Variants in HEMK2 observed in about 807,000 individuals in gnomAD.
The protein encoded by HEMK2 is HemK methyltransferase 2, ETF1 glutamine and histone H4 lysine.
the HEMK2 span, among the ~76,000 whole-genome samples, chr21:28,603,178 C>A: frequency 6.6e-6 from 1 of 152,180 alleles, no homozygotes; most frequent in Non-Finnish European, 1.5e-5. Flanking sequence ...TTAGCTTCAT[C>A]CCCATCCCTG....
At chr21:28,718,112 G>A in the HEMK2 span, among the ~76,000 whole-genome samples, 1 of 152,052 alleles carries the variant, frequency 6.6e-6, no homozygotes, top group Non-Finnish European at 1.5e-5. Flanking sequence ...AGAGATTTTG[G>A]TATGTTGTGT....
chr21:28,858,738 T>C, the HEMK2 span, among the ~76,000 whole-genome samples: 3 of 152,142 alleles, frequency 2.0e-5, no homozygotes, highest in African/African-American at 7.2e-5. Context: ...ATTGCTCAGT[T>C]AGAGTATTTT....
chr21:28,797,455 C>A, the HEMK2 span, among the ~76,000 whole-genome samples: 40 of 143,252 alleles, frequency 2.8e-4, no homozygotes, highest in South Asian at 4.3e-4. Context: ...AAAAAAAAAA[C>A]AAAAAACAAA....
chr21:28,592,210 C>A, the HEMK2 span, among the ~76,000 whole-genome samples: 3 of 152,186 alleles, frequency 2.0e-5, no homozygotes, highest in Non-Finnish European at 4.4e-5. Context: ...TCACCAGCAC[C>A]TGTTATTTTT....
chr21:28,751,699 GAC>G, the HEMK2 span, among the ~76,000 whole-genome samples: 1 of 152,212 alleles, frequency 6.6e-6, no homozygotes, highest in Non-Finnish European at 1.5e-5. Flanking sequence ...TTGTTTTTGA[GAC>G]AGAGTTTTGC....
chr21:28,805,770 A>T, the HEMK2 span, among the ~76,000 whole-genome samples: 2 of 152,146 alleles, frequency 1.3e-5, no homozygotes, highest in African/African-American at 2.4e-5. Flanking sequence ...ATGCTTCTGT[A>T]CGACTTTACA....
At chr21:28,604,642 G>A in the HEMK2 span, among the ~76,000 whole-genome samples, 5,771 of 152,290 alleles carry the variant, frequency 0.038, 121 homozygotes, top group Middle Eastern at 0.054. Context: ...TTGCAGATGA[G>A]AAAATAGAAG....
the HEMK2 span, among the ~76,000 whole-genome samples, chr21:28,774,176 T>C: frequency 3.3e-4 from 50 of 152,126 alleles, 1 homozygote; most frequent in Admixed American, 3.3e-3. Flanking sequence ...ACACTCCAAA[T>C]CTGGAGGCCT....
the HEMK2 span, among the ~76,000 whole-genome samples, chr21:28,650,829 C>T: frequency 7.2e-5 from 11 of 152,008 alleles, no homozygotes. Context: ...ATGAAAGGGG[C>T]TTGAGGAAAC....
At chr21:28,648,035 A>G in the HEMK2 span, among the ~76,000 whole-genome samples, 1 of 152,240 alleles carries the variant, frequency 6.6e-6, no homozygotes, top group Non-Finnish European at 1.5e-5. Flanking sequence ...GCAAATCACT[A>G]GTCAGAACTG....
chr21:28,854,235 C>T, the HEMK2 span, among the ~76,000 whole-genome samples: 1 of 152,146 alleles, frequency 6.6e-6, no homozygotes, highest in African/African-American at 2.4e-5. Flanking sequence ...ATCACCAATG[C>T]ATCAGGAATG....
At chr21:28,753,532 T>C in the HEMK2 span, among the ~76,000 whole-genome samples, 1 of 152,112 alleles carries the variant, frequency 6.6e-6, no homozygotes, top group Non-Finnish European at 1.5e-5. Context: ...AGGATTGACA[T>C]TCTCAATCAT....
chr21:28,583,216 TATAAA>T, the HEMK2 span, among the ~76,000 whole-genome samples: 1 of 152,234 alleles, frequency 6.6e-6, no homozygotes, highest in Admixed American at 6.5e-5. Flanking sequence ...TTTTAATGAT[TATAAA>T]ATAAAAATTC....
chr21:28,866,175 A>AAAAAAAAAAAAAAAAAAAAAC, the HEMK2 span, among the ~76,000 whole-genome samples: 3 of 76,242 alleles, frequency 3.9e-5, 1 homozygote, highest in African/African-American at 5.1e-5. Flanking sequence ...CAAAAAAAAA[A>AAAAAAAAAAAAAAAAAAAAAC]ACACACACAC....
chr21:28,639,238 AAAAG>A, the HEMK2 span, among the ~76,000 whole-genome samples: 1 of 152,258 alleles, frequency 6.6e-6, no homozygotes, highest in Admixed American at 6.5e-5. Flanking sequence ...TAGTTTGACC[AAAAG>A]AAAGATAGAA....
At chr21:28,686,422 A>G in the HEMK2 span, among the ~76,000 whole-genome samples, 3 of 152,100 alleles carry the variant, frequency 2.0e-5, no homozygotes, top group African/African-American at 7.2e-5. Flanking sequence ...TTTAGTAGAC[A>G]TGGGGTTTCA....
the HEMK2 span, among the ~76,000 whole-genome samples, chr21:28,616,275 C>T: frequency 6.6e-6 from 1 of 152,078 alleles, no homozygotes; most frequent in Non-Finnish European, 1.5e-5. Flanking sequence ...AGAGGTTCTT[C>T]GCTAATCACA....
At chr21:28,790,324 TG>T in the HEMK2 span, among the ~76,000 whole-genome samples, 1 of 152,252 alleles carries the variant, frequency 6.6e-6, no homozygotes, top group African/African-American at 2.4e-5. Flanking sequence ...TTTGGTTAGG[TG>T]GGAAGGAGGG....
the HEMK2 span, among the ~76,000 whole-genome samples, chr21:28,771,522 C>CCCT: frequency 2.5e-5 from 3 of 119,162 alleles, no homozygotes; most frequent in South Asian, 8.3e-4. Flanking sequence ...TGCACCACCC[C>CCCT]CCCCCGCCAA....
Sources: allele counts gnomAD v4.1 joint callset (sites outside exome capture counted in the v4.1 genomes callset), GRCh38; gene constraint gnomAD v4.1.1; transcripts MANE v1.5; gene names NCBI Gene and HGNC (gene_info 2026-07-23, HGNC 2026-07-21).